The following MICU3 variants were observed in gnomAD, a reference collection of about 807,000 sequenced individuals.
MICU3 encodes the protein calcium uptake protein 3, mitochondrial.
Under a neutral mutation model 66.5 loss-of-function variants are expected in MICU3, and 62 were observed. That is an observed-to-expected ratio of 0.93 (90% CI 0.76 to 1.15). The LOEUF is 1.15. MICU3 is among the 50% of genes most tolerant of loss of function. The pLI is 0.00. For missense variants in MICU3, 779 were observed against 664.4 expected, an observed-to-expected ratio of 1.17 and a Z score of -1.90; for synonymous variants, 308 against 240.7, an observed-to-expected ratio of 1.28 and a Z score of -2.59.
At position 17,116,512 on chromosome 8, in the gene MICU3, T is replaced by C. The variant is rs1802695404; in HGVS notation, c.1436T>C (p.Phe479Ser). 1 of 1,569,006 alleles carries C rather than the reference T, an allele frequency of 6.4e-7. No individual in the cohort carries two copies. Among genetic ancestry groups the C allele is most frequent in the African/African-American group, 1.4e-5 (1 of 71,968 alleles). The change falls in exon 13 of 15, where the codon TTC becomes TCC. Residue 479 changes from phenylalanine to serine, a missense_variant. Phe to Ser is a radical substitution (Grantham distance 155). Transcript: ENST00000318063. ...KFSPHLVNTVFKIFDVDKDDQ... is the reference protein window; with the variant it reads ...KFSPHLVNTVSKIFDVDKDDQ... ...TCACCACATTTAGTGAACACTGTCT[T>C]CAAGATTTTTGATGTTGACAAAGAT...
chr8:17,114,036 C>G, intron 11 of MICU3, 57 bp from the exon 12 acceptor site: 2 of 912,218 alleles, frequency 2.2e-6, no homozygotes, highest in South Asian at 4.9e-5. Context: ...TGTGTAGATC[C>G]TGATTTTAAT....
Position 17,027,564 on chromosome 8 carries a change from G to T in MICU3, c.285G>T (p.Ala95=), listed in dbSNP as rs1013631474. ...LYGDPRAGSP[A]TGRPSKSAAT... ...GGGACCCCAGGGCCGGCTCGCCGGC[G>T]ACCGGGCGACCCTCAAAGAGCGCGG... Residue 95 remains alanine, a synonymous_variant, in exon 1 of 15, where the codon GCG becomes GCT. Transcript: ENST00000318063. 2 of 1,280,448 alleles carry T rather than the reference G, an allele frequency of 1.6e-6. No homozygotes were observed. Among genetic ancestry groups the T allele is most frequent in the South Asian group, 2.6e-5 (1 of 38,262 alleles). The allele number at this position is 1,280,448 out of a possible 1,614,324, so 79.3% of individuals were successfully genotyped here. A position where few individuals can be genotyped will look rare whatever the true frequency, so the allele number is the denominator to read the frequency against.
intron 1 of MICU3, among the ~76,000 whole-genome samples, chr8:17,045,573 GAT>G (rs1366347874): frequency 6.6e-6 from 1 of 152,208 alleles, no homozygotes; most frequent in African/African-American, 2.4e-5. Context: ...GGAGTTTCCA[GAT>G]AGCTGAACAT....
At chr8:17,056,663 G>GGA (rs1212650263) in intron 1 of MICU3, among the ~76,000 whole-genome samples, 2 of 152,236 alleles carry the variant, frequency 1.3e-5, no homozygotes, top group Non-Finnish European at 2.9e-5. Flanking sequence ...CAGATACTGT[G>GGA]TTGGCTCACA....
At chr8:17,066,478 A>G (rs1818694595) in intron 2 of MICU3, among the ~76,000 whole-genome samples, 1 of 147,280 alleles carries the variant, frequency 6.8e-6, no homozygotes, top group African/African-American at 2.5e-5. Context: ...ATTTTTTCAA[A>G]CATATTTGAA....
intron 6 of MICU3, 99 bp from the exon 7 acceptor site, chr8:17,086,865 C>A: frequency 1.4e-6 from 1 of 717,276 alleles, no homozygotes. Context: ...GTGGATGAAG[C>A]TGTTTTCTTT....
chr8:17,036,178 G>A (rs139257130), intron 1 of MICU3, among the ~76,000 whole-genome samples: 5,873 of 152,170 alleles, frequency 0.039, 417 homozygotes, highest in African/African-American at 0.13. Context: ...TGAAGCTGCA[G>A]ACCTTTGCGG....
intron 9 of MICU3, among the ~76,000 whole-genome samples, chr8:17,101,229 T>A (rs752802484): frequency 1.1e-4 from 17 of 151,776 alleles, no homozygotes; most frequent in Non-Finnish European, 2.4e-4. Context: ...TTGGTGGCTT[T>A]TTCTCCCTTT....
intron 11 of MICU3, among the ~76,000 whole-genome samples, chr8:17,110,124 A>G (rs1416485774): frequency 6.6e-6 from 1 of 152,208 alleles, no homozygotes; most frequent in African/African-American, 2.4e-5. Flanking sequence ...CATGGCTTAT[A>G]TACACTTGAA....
chr8:17,050,890 G>T (rs184840188), intron 1 of MICU3, among the ~76,000 whole-genome samples: 9 of 152,144 alleles, frequency 5.9e-5, no homozygotes, highest in Admixed American at 3.9e-4. Flanking sequence ...TATTGTGATT[G>T]AGAACATGTT....
At chr8:17,125,966 G>T (rs1047413298), downstream of MICU3, among the ~76,000 whole-genome samples, 4 of 149,194 alleles carry the variant, frequency 2.7e-5, no homozygotes, top group African/African-American at 9.9e-5. Context: ...GGAGGTGGAG[G>T]TTGCAGTAAG....
chr8:17,036,946 T>C (rs1387352071), intron 1 of MICU3, among the ~76,000 whole-genome samples: 1 of 152,196 alleles, frequency 6.6e-6, no homozygotes, highest in African/African-American at 2.4e-5. Context: ...GGGCTGCAGG[T>C]CCCGAGTCCT....
intron 1 of MICU3, among the ~76,000 whole-genome samples, chr8:17,059,176 G>C (rs983775592): frequency 6.6e-6 from 1 of 152,028 alleles, no homozygotes; most frequent in Non-Finnish European, 1.5e-5. Flanking sequence ...TTTTTGTTTG[G>C]GGATTCCTAT....
intron 8 of MICU3, among the ~76,000 whole-genome samples, chr8:17,096,859 C>T (rs1800750765): frequency 2.0e-5 from 3 of 151,796 alleles, no homozygotes; most frequent in Admixed American, 6.6e-5. Flanking sequence ...CTAACCCCAA[C>T]ATTTGGAAAT....
intron 1 of MICU3, among the ~76,000 whole-genome samples, chr8:17,046,739 G>A (rs995159309): frequency 1.3e-5 from 2 of 152,012 alleles, no homozygotes; most frequent in African/African-American, 4.8e-5. Context: ...TCGTCAAAAG[G>A]ATGGACAAGG....
intron 1 of MICU3, among the ~76,000 whole-genome samples, chr8:17,050,146 T>A (rs761491374): frequency 1.2e-4 from 18 of 152,190 alleles, no homozygotes; most frequent in Non-Finnish European, 2.4e-4. Flanking sequence ...AATTGTCGGA[T>A]CTATAGCTAT....
intron 1 of MICU3, among the ~76,000 whole-genome samples, chr8:17,043,060 C>T (rs1482769119): frequency 4.0e-5 from 6 of 150,534 alleles, no homozygotes; most frequent in African/African-American, 1.5e-4. Context: ...CTGCCTCAGC[C>T]TCCCGAGTAG....
Position 17,064,084 on chromosome 8 carries a change from G to A in MICU3, c.382G>A (p.Val128Ile), listed in dbSNP as rs1246036896. The A allele has an allele frequency of 1.9e-6, 3 of 1,604,080 alleles. No individual in the cohort carries two copies. The highest frequency in any genetic ancestry group is 4.5e-5 in the East Asian group (2 of 44,602). Residue 128 changes from valine to isoleucine, a missense_variant and splice_region_variant, in exon 2 of 15, where the codon GTT becomes ATT. Transcript: ENST00000318063. ...AATGTATTTGCTTTCTTAACTTTAG[G>A]TTGCTATTGGCAGAACAGACATTGA... ...PIPVAAAKET[V>I]AIGRTDIEDL... is the part of the protein sequence containing the mutation.
intron 1 of MICU3, among the ~76,000 whole-genome samples, chr8:17,055,294 TCCCATGAGG>T (rs1816756892): frequency 6.6e-6 from 1 of 152,210 alleles, no homozygotes; most frequent in Non-Finnish European, 1.5e-5. Flanking sequence ...AAGTGTTACC[TCCCATGAGG>T]CTTTTAATTT....
Sources: gnomAD v4.1 joint callset for allele counts (sites outside exome capture counted in the v4.1 genomes callset) on GRCh38, gnomAD v4.1.1 for gene constraint, MANE v1.5 for transcripts, NCBI Gene and HGNC (gene_info 2026-07-23, HGNC 2026-07-21) for gene names.